Variants in MTMR10 observed in about 807,000 individuals in gnomAD.
The protein encoded by MTMR10 is myotubularin related protein 10.
Under a neutral mutation model 88.1 loss-of-function variants are expected in MTMR10, and 56 were observed. The observed-to-expected ratio is 0.64, with a 90% CI of 0.51 to 0.79. The LOEUF is 0.79. Among genes scored for constraint, MTMR10 ranks in the 30% least tolerant of loss-of-function variants. The pLI is 0.00. For missense variants in MTMR10, 883 were observed against 924.7 expected (o/e 0.95, Z 0.58); for synonymous variants, 380 against 340.9 (o/e 1.11, Z -1.26).
chr15:30,935,453 CAAT>C (rs2062826492), downstream of MTMR10, among the ~76,000 whole-genome samples: 1 of 151,950 alleles, frequency 6.6e-6, no homozygotes, highest in South Asian at 2.1e-4. Flanking sequence ...AAAAGAAAAA[CAAT>C]AAAAAGTAAC....
chr15:30,957,473 A>T (rs564558929), intron 9 of MTMR10, among the ~76,000 whole-genome samples: 1 of 152,238 alleles, frequency 6.6e-6, no homozygotes, highest in Non-Finnish European at 1.5e-5. Context: ...CTGTAATCCC[A>T]GCACTTCGGT....
Position 30,940,058 on chromosome 15 carries a change from T to G in MTMR10, c.*1412A>C. The G allele has an allele frequency of 1.0e-6, 1 of 981,144 alleles. No individual in the cohort carries two copies. Among genetic ancestry groups the G allele is most frequent in the Non-Finnish European group, 1.2e-6 (1 of 826,084 alleles). 60.8% of individuals were successfully genotyped at this position (981,144 alleles called of 1,614,324 possible). A position where few individuals can be genotyped will look rare whatever the true frequency, so the allele number is the denominator to read the frequency against. On this transcript the variant is annotated 3_prime_UTR_variant, in exon 16 of 16. Transcript: ENST00000435680. ...TAAAATACAGTTATCTTGAAAACACTTGTTTTAGAAAAGGAAATAAGCTAA... is the reference window on the plus strand; with the variant it reads ...TAAAATACAGTTATCTTGAAAACACGTGTTTTAGAAAAGGAAATAAGCTAA...
the MTMR10 span, among the ~76,000 whole-genome samples, chr15:30,925,550 C>T: frequency 6.6e-6 from 1 of 152,186 alleles, no homozygotes; most frequent in Non-Finnish European, 1.5e-5. Flanking sequence ...CAGCATCTGC[C>T]CCGGTTTCAT....
At chr15:30,951,774 C>T (rs1362105078) in intron 12 of MTMR10, among the ~76,000 whole-genome samples, 194 bp downstream of exon 12, 1 of 152,168 alleles carries the variant, frequency 6.6e-6, no homozygotes, top group East Asian at 1.9e-4. Context: ...TCTGGGATTA[C>T]AGGCTTCAGC....
At chr15:30,929,612 TA>T in the MTMR10 span, among the ~76,000 whole-genome samples, 6 of 129,952 alleles carry the variant, frequency 4.6e-5, 1 homozygote, top group Non-Finnish European at 9.3e-5. Context: ...ATATTACATA[TA>T]TAATATATAT....
chr15:30,940,343 C>T lies in MTMR10; in HGVS notation c.*1127G>A. The T allele has an allele frequency of 1.0e-6, 1 of 985,350 alleles. No individual in the cohort carries two copies. The highest frequency in any genetic ancestry group is 1.2e-6 in the Non-Finnish European group (1 of 829,878). The allele number at this position is 985,350 out of a possible 1,614,324, so 61.0% of individuals were successfully genotyped here. On this transcript the variant is annotated 3_prime_UTR_variant, in exon 16 of 16. Transcript: ENST00000435680. ...TGCTCATTCTCCTCAACTTTGCTGTCCAAAGTTGGGGGCTGGGGGAGCACT... is the reference window on the plus strand; with the variant it reads ...TGCTCATTCTCCTCAACTTTGCTGTTCAAAGTTGGGGGCTGGGGGAGCACT...
rs1025043960 is a variant in MTMR10 at position 30,941,395 on chromosome 15, C to T, written c.*75G>A. 26 of 1,546,666 alleles carry T rather than the reference C, an allele frequency of 1.7e-5. No individual in the cohort carries two copies. The highest frequency in any genetic ancestry group is 7.5e-5 in the South Asian group (6 of 79,648). ...CATATAAAGTTATTAGAGATTCAAACGCCTAGGTTAGCAATGTTAATTCAG... is the reference window on the plus strand; with the variant it reads ...CATATAAAGTTATTAGAGATTCAAATGCCTAGGTTAGCAATGTTAATTCAG... On this transcript the variant is annotated 3_prime_UTR_variant, in exon 16 of 16. Transcript: ENST00000435680.
intron 5 of MTMR10, among the ~76,000 whole-genome samples, chr15:30,973,738 T>C (rs2029894200): frequency 6.6e-6 from 1 of 152,134 alleles, no homozygotes; most frequent in Admixed American, 6.5e-5. Context: ...AAACATGCCC[T>C]TGACTCTTAC....
chr15:30,924,989 A>G, the MTMR10 span: 3 of 836,804 alleles, frequency 3.6e-6, no homozygotes, highest in Non-Finnish European at 5.5e-6. Flanking sequence ...AACAGCCTAA[A>G]TCTCTAGAAG....
chr15:30,969,743 A>C (rs575569386), intron 5 of MTMR10, among the ~76,000 whole-genome samples: 1 of 152,142 alleles, frequency 6.6e-6, no homozygotes, highest in Non-Finnish European at 1.5e-5. Flanking sequence ...TTCTTCACAA[A>C]ACTGGCTCTC....
intron 5 of MTMR10, among the ~76,000 whole-genome samples, chr15:30,972,081 C>T (rs1194439896): frequency 6.6e-6 from 1 of 152,078 alleles, no homozygotes; most frequent in Non-Finnish European, 1.5e-5. Context: ...GTTTACCCAC[C>T]AGAGAACTCC....
the MTMR10 span, among the ~76,000 whole-genome samples, chr15:30,924,019 C>T: frequency 3.3e-5 from 5 of 152,134 alleles, no homozygotes; most frequent in African/African-American, 4.8e-5. Flanking sequence ...CAAGCCCTGG[C>T]GACGACGTCT....
the MTMR10 span, chr15:30,928,770 T>G: frequency 6.5e-7 from 1 of 1,549,640 alleles, no homozygotes; most frequent in Non-Finnish European, 8.7e-7. Context: ...TACGGTCCTT[T>G]GGGTCATCCA....
intron 2 of MTMR10, among the ~76,000 whole-genome samples, chr15:30,982,171 T>C (rs1035555241): frequency 1.3e-5 from 2 of 152,010 alleles, no homozygotes; most frequent in African/African-American, 4.8e-5. Context: ...TGTCACAGAC[T>C]GAGACATTGA....
Position 30,940,241 on chromosome 15 carries a change from G to A in MTMR10, c.*1229C>T. ...AGAAGCTTCAGCTTTGACCGCTACA[G>A]TGGTAGGTAGGCTCTTGTCACACAG... On this transcript the variant is annotated 3_prime_UTR_variant, in exon 16 of 16. Transcript: ENST00000435680. 4 of 985,186 alleles carry A rather than the reference G, an allele frequency of 4.1e-6. No homozygotes were observed. The highest frequency in any genetic ancestry group is 4.8e-6 in the Non-Finnish European group (4 of 829,866). The allele number at this position is 985,186 out of a possible 1,614,324, so 61.0% of individuals were successfully genotyped here.
rs2031325486 is a variant in MTMR10, at chr15:30,991,450, G to C, written c.57C>G (p.Pro19=). Reference sequence around the variant, plus strand: ...CTCGCGGGGAGGGGTTGTTTACCTGGGGCGGTGGCAGGAGGTAGGACCTGA... The same window carrying C: ...CTCGCGGGGAGGGGTTGTTTACCTGCGGCGGTGGCAGGAGGTAGGACCTGA... The part of the protein sequence containing the change: ...PTFRSYLLPP[P]QTDDKINSEP... Residue 19 remains proline, a synonymous_variant, in exon 1 of 16, where the codon CCC becomes CCG. Transcript: ENST00000435680. 2.0e-6 allele frequency: 3 copies of C among 1,502,678 alleles called. No homozygotes were observed. The highest frequency in any genetic ancestry group is 2.6e-6 in the Non-Finnish European group (3 of 1,132,144). 93.1% of individuals were successfully genotyped at this position (1,502,678 alleles called of 1,614,324 possible).
Position 30,991,463 on chromosome 15 carries a change from A to G in MTMR10, c.44T>C (p.Leu15Pro). Reference sequence around the variant, plus strand: ...GTTGTTTACCTGGGGCGGTGGCAGGAGGTAGGACCTGAAGGTGGGTTTGGG... The same window carrying G: ...GTTGTTTACCTGGGGCGGTGGCAGGGGGTAGGACCTGAAGGTGGGTTTGGG... ...KPPKPTFRSY[L>P]LPPPQTDDKI... The change falls in exon 1 of 16, where the codon CTC (leucine) becomes CCC (proline). Residue 15 changes from leucine to proline, a missense_variant. Transcript: ENST00000435680. 6.6e-7 allele frequency: 1 copy of G among 1,505,878 alleles called. No individual in the cohort carries two copies. Among genetic ancestry groups the G allele is most frequent in the Non-Finnish European group, 8.8e-7 (1 of 1,134,178 alleles). The allele number at this position is 1,505,878 out of a possible 1,614,324, so 93.3% of individuals were successfully genotyped here. A position where few individuals can be genotyped will look rare whatever the true frequency, so the allele number is the denominator to read the frequency against.
Position 30,947,267 on chromosome 15 carries a change from A to C in MTMR10, c.1411T>G (p.Trp471Gly). Residue 471 changes from tryptophan (W) to glycine (G), a missense_variant, in exon 14 of 16, where the codon TGG becomes GGG. Trp to Gly is a radical substitution (Grantham distance 184, BLOSUM62 -2). Around this residue, in one of 3 missense-constraint regions of MTMR10, gnomAD observed 126 missense variants for 178.2 expected, o/e 0.71. Transcript: ENST00000435680. ...PLFLLFLDAT[W>G]QLLEQYPAAF... ...GCAGGATATTGTTCTAACAGCTGCC[A>C]GGTGGCATCCAAGAATAGCAAAAAT... 1.2e-6 allele frequency: 2 copies of C among 1,613,718 alleles called. No individual in the cohort carries two copies. The highest frequency in any genetic ancestry group is 2.2e-5 in the East Asian group (1 of 44,880).
the MTMR10 span, chr15:30,927,883 C>CA: frequency 1.0e-6 from 1 of 985,634 alleles, no homozygotes; most frequent in African/African-American, 1.7e-5. Flanking sequence ...TCTGTGACCT[C>CA]AGCACCTGAC....
Sources: gnomAD v4.1 joint callset for allele counts (sites outside exome capture counted in the v4.1 genomes callset) on GRCh38, gnomAD v4.1.1 for gene constraint, gnomAD v4.1.1 regional missense constraint, MANE v1.5 for transcripts, NCBI Gene and HGNC (gene_info 2026-07-23, HGNC 2026-07-21) for gene names.